CRADD: variants seen among roughly 807,000 people sequenced by gnomAD.
The protein encoded by CRADD is CARD and death domain containing adaptor protein, also known as death domain-containing protein CRADD.
A neutral mutation model predicts 15.5 loss-of-function variants in CRADD; 9 were observed. The observed-to-expected ratio is 0.58, with a 90% CI of 0.35 to 1.01. The LOEUF (loss-of-function observed/expected upper bound fraction) is 1.01, where lower values mean the gene tolerates loss of function less well. Ranked by LOEUF, CRADD falls within the 50% of genes least tolerant of loss-of-function variation. The pLI, the probability that CRADD is intolerant of heterozygous loss-of-function variation, is 0.02. For missense variants in CRADD, 227 were observed against 250.3 expected (o/e 0.91, Z 0.63); for synonymous variants, 118 against 107.6 (o/e 1.10, Z -0.60).
chr12:93,887,975 C>CGGA (rs1192211441), intron 2 of CRADD, among the ~76,000 whole-genome samples: 2 of 152,088 alleles, frequency 1.3e-5, no homozygotes, highest in Non-Finnish European at 2.9e-5. Flanking sequence ...AAAAGCTTCC[C>CGGA]GGTTAAAGTG....
chr12:93,810,217 G>A (rs1346410410), intron 2 of CRADD, among the ~76,000 whole-genome samples: 1 of 151,062 alleles, frequency 6.6e-6, no homozygotes, highest in Non-Finnish European at 1.5e-5. Flanking sequence ...TTGCTGATGA[G>A]AGAAGACAGG....
chr12:93,744,804 T>A (rs547346104), intron 2 of CRADD, among the ~76,000 whole-genome samples: 2 of 152,346 alleles, frequency 1.3e-5, no homozygotes, highest in African/African-American at 2.4e-5. Flanking sequence ...CCATAAGTAG[T>A]TGTTGCTTTT....
Position 93,839,871 on chromosome 12 carries a change from C to T in CRADD, c.299-10099C>T, listed in dbSNP as rs540753940. On this transcript the variant is annotated intron_variant, in intron 2 of 2. Coordinates refer to ENST00000332896, the MANE Select transcript of CRADD (RefSeq NM_003805.5). ...TGGTCTTAGACATCAGCTTGGATCACGTCTCCTTCATTGAGCAGAAATCCG... is the reference window on the plus strand; with the variant it reads ...TGGTCTTAGACATCAGCTTGGATCATGTCTCCTTCATTGAGCAGAAATCCG... Among the ~76,000 whole-genome samples the T allele has an allele frequency of 7.2e-5, 11 of 152,270 alleles. No individual in the cohort carries two copies. The East Asian group carries it at 1.5e-3, about 21-fold the overall frequency.
chr12:93,755,396 T>G (rs182225098), intron 2 of CRADD, among the ~76,000 whole-genome samples: 1 of 152,108 alleles, frequency 6.6e-6, no homozygotes, highest in East Asian at 1.9e-4. Context: ...ATTTGGAAAA[T>G]TTTTTAAATC....
At chr12:93,721,810 G>A (rs1440858501) in intron 2 of CRADD, among the ~76,000 whole-genome samples, 1 of 152,114 alleles carries the variant, frequency 6.6e-6, no homozygotes. Context: ...AGGGACTACT[G>A]TACACATAAG....
At chr12:93,712,151 C>T (rs886163677) in intron 2 of CRADD, among the ~76,000 whole-genome samples, 1 of 152,048 alleles carries the variant, frequency 6.6e-6, no homozygotes, top group Non-Finnish European at 1.5e-5. Context: ...TCTATTTTCT[C>T]ATGTATAAAG....
At chr12:93,709,447 G>C (rs73359697) in intron 2 of CRADD, among the ~76,000 whole-genome samples, 3 of 152,126 alleles carry the variant, frequency 2.0e-5, no homozygotes, top group African/African-American at 7.2e-5. Context: ...AGTATCTATT[G>C]TTTCCTTCTT....
intron 2 of CRADD, among the ~76,000 whole-genome samples, chr12:93,801,170 A>G (rs1047256212): frequency 1.3e-5 from 2 of 152,144 alleles, no homozygotes; most frequent in Non-Finnish European, 2.9e-5. Context: ...AGGTTTTGAC[A>G]TTTTCACCTT....
intron 2 of CRADD, among the ~76,000 whole-genome samples, chr12:93,697,557 C>T (rs184094596): frequency 1.8e-4 from 28 of 152,104 alleles, no homozygotes; most frequent in Admixed American, 6.5e-4. Context: ...ATGTTATACA[C>T]GATAAACGTG....
rs73222743 is a variant in CRADD, at chr12:93,812,784, G to A, written c.299-37186G>A. Among the ~76,000 whole-genome samples, 1,241 of 152,332 alleles carry A rather than the reference G, an allele frequency of 8.1e-3. 9 individuals are homozygous for A. Among genetic ancestry groups the A allele is most frequent in the Non-Finnish European group, 0.011 (772 of 68,030 alleles). On this transcript the variant is annotated intron_variant, in intron 2 of 2. Transcript: ENST00000332896. ...GGAAAGCAAACTCTGGCTCAGGCAT[G>A]AGATTTATTTTTCTCACCATGATTT...
chr12:93,857,721 G>T (rs1294536861), intron 2 of CRADD, among the ~76,000 whole-genome samples: 1 of 152,160 alleles, frequency 6.6e-6, no homozygotes, highest in Non-Finnish European at 1.5e-5. Context: ...GCAAAGGGGA[G>T]CTCCCTGTTC....
downstream of CRADD, among the ~76,000 whole-genome samples, chr12:93,855,699 C>T (rs1199796352): frequency 6.6e-6 from 1 of 152,208 alleles, no homozygotes; most frequent in Admixed American, 6.5e-5. Context: ...ATAACAGTAC[C>T]CACCTATGGT....
intron 2 of CRADD, among the ~76,000 whole-genome samples, chr12:93,834,977 T>G (rs1412944513): frequency 6.6e-6 from 1 of 152,212 alleles, no homozygotes; most frequent in Non-Finnish European, 1.5e-5. Flanking sequence ...CAGACAGACT[T>G]TTAATGGTTT....
At chr12:93,679,930 G>A (rs1955243603) in intron 2 of CRADD, among the ~76,000 whole-genome samples, 1 of 152,208 alleles carries the variant, frequency 6.6e-6, no homozygotes, top group African/African-American at 2.4e-5. Flanking sequence ...GTTTTTAAAG[G>A]TTATTCGTTT....
At chr12:93,804,351 C>A (rs1957511152) in intron 2 of CRADD, among the ~76,000 whole-genome samples, 1 of 152,108 alleles carries the variant, frequency 6.6e-6, no homozygotes, top group African/African-American at 2.4e-5. Flanking sequence ...CACATTTAGT[C>A]AGTCACATGT....
intron 2 of CRADD, among the ~76,000 whole-genome samples, chr12:93,826,064 TA>T (rs1455491480): frequency 6.6e-6 from 1 of 152,224 alleles, no homozygotes; most frequent in African/African-American, 2.4e-5. Context: ...CGGAACTTAT[TA>T]ACATGCTTGA....
At chr12:93,864,926 G>C (rs913142214) in intron 2 of CRADD, among the ~76,000 whole-genome samples, 1 of 152,226 alleles carries the variant, frequency 6.6e-6, no homozygotes, top group African/African-American at 2.4e-5. Flanking sequence ...CAATGAGAGA[G>C]TATTTGTTGA....
chr12:93,712,143 T>C (rs867067259), intron 2 of CRADD, among the ~76,000 whole-genome samples: 58 of 152,172 alleles, frequency 3.8e-4, no homozygotes, highest in African/African-American at 1.4e-3. Flanking sequence ...TCTTTTTCTC[T>C]ATTTTCTCAT....
chr12:93,817,991 C>T (rs915611788), intron 2 of CRADD, among the ~76,000 whole-genome samples: 1 of 152,178 alleles, frequency 6.6e-6, no homozygotes, highest in East Asian at 1.9e-4. Flanking sequence ...TGCCAGGGTT[C>T]CCCCCGCCAG....
Sources: allele counts gnomAD v4.1 joint callset (sites outside exome capture counted in the v4.1 genomes callset), GRCh38; gene constraint gnomAD v4.1.1; transcripts MANE v1.5; gene names NCBI Gene and HGNC (gene_info 2026-07-23, HGNC 2026-07-21).